MLLT3: variants seen among roughly 807,000 people sequenced by gnomAD.
The protein encoded by MLLT3 is MLLT3 super elongation complex subunit, also known as protein AF-9.
A neutral mutation model predicts 53.2 loss-of-function variants in MLLT3; 4 were observed. The ratio of observed to expected loss-of-function variants is 0.08; its 90% CI spans 0.04 to 0.17. MLLT3 has a LOEUF of 0.17. MLLT3 is among the 10% of genes least tolerant of loss of function. The pLI is 1.00. For missense variants in MLLT3, 569 were observed against 684.0 expected, an observed-to-expected ratio of 0.83 and a Z score of 1.87; for synonymous variants, 283 against 230.6, an observed-to-expected ratio of 1.23 and a Z score of -2.06.
At chr9:20,478,464 A>G (rs916672669) in intron 2 of MLLT3, among the ~76,000 whole-genome samples, 1 of 152,148 alleles carries the variant, frequency 6.6e-6, no homozygotes, top group African/African-American at 2.4e-5. Flanking sequence ...AGCCAGAAAT[A>G]TAACATAGAA....
At chr9:20,410,597 A>C (rs1822703661) in intron 5 of MLLT3, 2 of 152,098 alleles carry the variant, frequency 1.3e-5, no homozygotes, top group Admixed American at 6.6e-5. Flanking sequence ...CGATCCCTCA[A>C]ACACCAGCCA....
At chr9:20,617,240 A>G (rs1820853432) in intron 2 of MLLT3, among the ~76,000 whole-genome samples, 1 of 152,188 alleles carries the variant, frequency 6.6e-6, no homozygotes, top group South Asian at 2.1e-4. Flanking sequence ...GCCCTCAAGT[A>G]TTAGTTACCT....
At chr9:20,563,961 A>G (rs1362343062) in intron 2 of MLLT3, among the ~76,000 whole-genome samples, 2 of 152,200 alleles carry the variant, frequency 1.3e-5, no homozygotes, top group Non-Finnish European at 2.9e-5. Flanking sequence ...TAGTCAGGAT[A>G]GAAATCCATT....
chr9:20,565,959 T>C lies in MLLT3; in HGVS notation c.193+54695A>G, dbSNP rs1487331708. Among the ~76,000 whole-genome samples, 3 of 37,002 alleles carry C rather than the reference T, an allele frequency of 8.1e-5. 1 individual carries two copies. Among genetic ancestry groups the C allele is most frequent in the East Asian group, 2.2e-3 (1 of 458 alleles). The allele number at this position is 37,002 out of a possible 152,430, so 24.3% of individuals were successfully genotyped here. ...ATATTTATATATATATATATTTATA[T>C]ATATATATTTATATATATATATATT... On this transcript the variant is annotated intron_variant, in intron 2 of 10. Transcript: ENST00000380338.
At chr9:20,519,176 C>CA (rs1042700603) in intron 2 of MLLT3, among the ~76,000 whole-genome samples, 16 of 151,148 alleles carry the variant, frequency 1.1e-4, no homozygotes, top group South Asian at 2.1e-4. Context: ...TCTTGAAACA[C>CA]AAAAAAAAGA....
intron 5 of MLLT3, among the ~76,000 whole-genome samples, chr9:20,412,791 T>A (rs1161998747): frequency 6.6e-6 from 1 of 152,184 alleles, no homozygotes; most frequent in African/African-American, 2.4e-5. Flanking sequence ...AATAGTGAAG[T>A]AAGGAGATAA....
At position 20,576,308 on chromosome 9, in the gene MLLT3, G is replaced by C. The variant is rs541535862; in HGVS notation, c.193+44346C>G. ...AAACTTTCTCCATATCAGCAATAAG[G>C]CTATTTGCTATCTTATCACTCATGT... On this transcript the variant is annotated intron_variant, in intron 2 of 10. Transcript: ENST00000380338. Among the ~76,000 whole-genome samples the C allele has an allele frequency of 7.9e-5, 12 of 152,182 alleles. No individual in the cohort carries two copies. In the South Asian group the frequency reaches 1.7e-3, roughly 21 times the overall value.
intron 2 of MLLT3, among the ~76,000 whole-genome samples, chr9:20,511,086 T>A (rs1360194759): frequency 6.6e-6 from 1 of 152,216 alleles, no homozygotes; most frequent in South Asian, 2.1e-4. Flanking sequence ...ATCATGTGAC[T>A]GGTATTATTT....
intron 2 of MLLT3, among the ~76,000 whole-genome samples, chr9:20,472,138 T>C (rs1824410120): frequency 6.6e-6 from 1 of 152,040 alleles, no homozygotes; most frequent in Non-Finnish European, 1.5e-5. Flanking sequence ...TCAAAATATG[T>C]TTTTAGGGAT....
chr9:20,591,876 G>T lies in MLLT3; in HGVS notation c.193+28778C>A, dbSNP rs985576266. Among the ~76,000 whole-genome samples the T allele has an allele frequency of 5.3e-5, 8 of 152,254 alleles. No individual in the cohort carries two copies. In the East Asian group the frequency reaches 1.4e-3, roughly 26 times the overall value. On this transcript the variant is annotated intron_variant, in intron 2 of 10. Coordinates refer to ENST00000380338, the MANE Select transcript of MLLT3 (RefSeq NM_004529.4). Reference sequence around the variant, plus strand: ...GAGTGTTTTTAAGAAATGTTAAACAGAATGAAGCCAGGTACGGTGGCACAC... The same window carrying T: ...GAGTGTTTTTAAGAAATGTTAAACATAATGAAGCCAGGTACGGTGGCACAC...
chr9:20,599,273 C>T (rs1353155965), intron 2 of MLLT3, among the ~76,000 whole-genome samples: 1 of 145,394 alleles, frequency 6.9e-6, no homozygotes, highest in Non-Finnish European at 1.5e-5. Context: ...CACTGCACGT[C>T]AGCCTGGGCG....
intron 10 of MLLT3, among the ~76,000 whole-genome samples, chr9:20,350,652 G>C (rs1286309183): frequency 6.6e-6 from 1 of 151,938 alleles, no homozygotes; most frequent in East Asian, 1.9e-4. Context: ...GGAAAAGGAA[G>C]AGTGTGTAAA....
rs1821091197 is a variant in MLLT3, at chr9:20,353,594, T to C, written c.1506A>G (p.Ala502=). Reference sequence around the variant, plus strand: ...GAAGCTCTACCAGTTCATCTAGGTATGCCTGAAAGAGAAGAATGTCCCCGA... The same window carrying C: ...GAAGCTCTACCAGTTCATCTAGGTACGCCTGAAAGAGAAGAATGTCCCCGA... The part of the protein sequence containing the change: ...KQIKNGECDK[A]YLDELVELHR... The change falls in exon 10 of 11, where the codon GCA becomes GCG. Residue 502 remains alanine (A), a splice_region_variant and synonymous_variant. Coordinates refer to ENST00000380338, the MANE Select transcript of MLLT3 (RefSeq NM_004529.4). The C allele has an allele frequency of 6.2e-7, 1 of 1,613,414 alleles. No homozygotes were observed. The highest frequency in any genetic ancestry group is 1.3e-5 in the African/African-American group (1 of 74,916).
intron 2 of MLLT3, among the ~76,000 whole-genome samples, chr9:20,585,273 C>A (rs970452140): frequency 6.6e-6 from 1 of 152,148 alleles, no homozygotes; most frequent in African/African-American, 2.4e-5. Flanking sequence ...TATTTTTCAA[C>A]TGACAAAAAC....
chr9:20,385,019 A>C, intron 5 of MLLT3, among the ~76,000 whole-genome samples: 1 of 152,158 alleles, frequency 6.6e-6, no homozygotes, highest in East Asian at 1.9e-4. Context: ...GCAGAAAAGT[A>C]AAAAGTTACC....
At chr9:20,592,152 A>C (rs1820145674) in intron 2 of MLLT3, among the ~76,000 whole-genome samples, 1 of 152,214 alleles carries the variant, frequency 6.6e-6, no homozygotes, top group African/African-American at 2.4e-5. Flanking sequence ...ATTAAAATGG[A>C]AGATGAAAAA....
At chr9:20,590,332 A>G (rs1015051816) in intron 2 of MLLT3, among the ~76,000 whole-genome samples, 1 of 152,178 alleles carries the variant, frequency 6.6e-6, no homozygotes, top group Non-Finnish European at 1.5e-5. Flanking sequence ...CTTACTGCTG[A>G]TATGGGTTGC....
chr9:20,409,136 A>T (rs1195527663), intron 5 of MLLT3, among the ~76,000 whole-genome samples: 2 of 152,216 alleles, frequency 1.3e-5, no homozygotes, highest in Non-Finnish European at 2.9e-5. Flanking sequence ...TCAGGGAAAG[A>T]TCATTAAAAC....
At chr9:20,404,726 G>A (rs1187093545) in intron 5 of MLLT3, among the ~76,000 whole-genome samples, 1 of 152,076 alleles carries the variant, frequency 6.6e-6, no homozygotes, top group Non-Finnish European at 1.5e-5. Flanking sequence ...GGCCGGTCTT[G>A]AACTCCTGGC....
Sources: allele counts gnomAD v4.1 joint callset (sites outside exome capture counted in the v4.1 genomes callset), GRCh38; gene constraint gnomAD v4.1.1; transcripts MANE v1.5; gene names NCBI Gene and HGNC (gene_info 2026-07-23, HGNC 2026-07-21).